The following MAOA variants were observed in gnomAD, a reference collection of about 807,000 sequenced individuals.
The protein encoded by MAOA is monoamine oxidase A, also known as amine oxidase [flavin-containing] A.
In MAOA, 6 loss-of-function variants were observed where a neutral mutation model predicts 42.0. That is an observed-to-expected ratio of 0.14 (90% CI 0.08 to 0.28). The LOEUF is 0.28. MAOA is among the 10% of genes least tolerant of loss of function. The pLI is 1.00. For missense variants in MAOA, 262 were observed against 422.3 expected (o/e 0.62, Z 3.33); for synonymous variants, 140 against 154.0 (o/e 0.91, Z 0.67).
chrX:43,711,654 A>C (rs1484168600), intron 3 of MAOA, among the ~76,000 whole-genome samples: 1 of 111,986 alleles, frequency 8.9e-6, no homozygotes. Context: ...AATTAAAACC[A>C]GCCAACACAG....
In MAOA at chrX:43,665,810, TTAGATAGA is replaced by T. The variant is rs35784967; in HGVS notation, c.73+9436_73+9443del. Among the ~76,000 whole-genome samples, 730 of 98,363 alleles carry T rather than the reference TTAGATAGA, an allele frequency of 7.4e-3. 3 individuals carry two copies. The highest frequency in any genetic ancestry group is 0.021 in the African/African-American group (568 of 27,074). 85.4% of individuals were successfully genotyped at this position (98,363 alleles called of 115,157 possible). ...AAATACAGATAGGCATAGGTATAGA[TTAGATAGA>T]TAGATAGATAGATAGATAGATAGAT... is the stretch of plus-strand genomic sequence containing the variant. On this transcript the variant is annotated intron_variant, in intron 1 of 14. Transcript: ENST00000338702.
Position 43,712,152 on chromosome X carries a change from C to A in MAOA, c.411+176C>A, listed in dbSNP as rs1181796218. 4.5e-5 allele frequency among the ~76,000 whole-genome samples: 5 copies of A among 111,467 alleles called. No individual in the cohort carries two copies. The East Asian group carries it at 1.4e-3, about 31-fold the overall frequency. The stretch of plus-strand genomic sequence containing the variant: ...CTTCACAAATGGAAAAATGAGTGCC[C>A]AGAGATTATGTAATTTACTCAAGAC... On this transcript the variant is annotated intron_variant, in intron 4 of 14. Coordinates refer to ENST00000338702, the MANE Select transcript of MAOA (RefSeq NM_000240.4).
intron 1 of MAOA, among the ~76,000 whole-genome samples, chrX:43,676,573 A>G (rs1054002454): frequency 3.6e-5 from 4 of 111,595 alleles, no homozygotes; most frequent in African/African-American, 6.5e-5. Context: ...AGCTGTTCCT[A>G]TTCGGCCATC....
chrX:43,728,205 A>G lies in MAOA; in HGVS notation c.536A>G (p.Asn179Ser). Residue 179 changes from asparagine (N) to serine (S), a missense_variant, in exon 6 of 15, where the codon AAT (asparagine) becomes AGT (serine). By Grantham distance (46) the Asn-to-Ser change is conservative (BLOSUM62 1). This residue lies in a region of MAOA where 141 missense variants were observed against 195.6 expected (regional missense o/e 0.72). Coordinates refer to ENST00000338702, the MANE Select transcript of MAOA (RefSeq NM_000240.4). Reference sequence around the variant, plus strand: ...AGGCGGTTTGCTTATCTTTTTGTGAATATCAATGTGACCTCTGAGCCTCAC... The same window carrying G: ...AGGCGGTTTGCTTATCTTTTTGTGAGTATCAATGTGACCTCTGAGCCTCAC... Reference protein sequence around the residue: ...TARRFAYLFVNINVTSEPHEV... With the variant: ...TARRFAYLFVSINVTSEPHEV... 1 of 1,210,645 alleles carries G rather than the reference A, an allele frequency of 8.3e-7. No individual in the cohort carries two copies. Among genetic ancestry groups the G allele is most frequent in the Middle Eastern group, 2.3e-4 (1 of 4,350 alleles).
chrX:43,695,501 C>T (rs1434550218), intron 3 of MAOA, among the ~76,000 whole-genome samples: 2 of 111,139 alleles, frequency 1.8e-5, no homozygotes, highest in African/African-American at 3.3e-5. Context: ...GAGGCCAAGG[C>T]GGGAGGATCA....
chrX:43,721,486 C>T (rs1270786098), intron 5 of MAOA, among the ~76,000 whole-genome samples: 1 of 110,379 alleles, frequency 9.1e-6, no homozygotes, highest in Admixed American at 9.7e-5. Flanking sequence ...TTTTAAAAGC[C>T]CTCATTGGCT....
chrX:43,700,701 A>G (rs1413227168), intron 3 of MAOA, among the ~76,000 whole-genome samples: 1 of 112,116 alleles, frequency 8.9e-6, no homozygotes, highest in African/African-American at 3.2e-5. Flanking sequence ...GCATGGTTTG[A>G]AATTGCTGGC....
intron 1 of MAOA, among the ~76,000 whole-genome samples, chrX:43,680,103 A>C (rs186037566): frequency 8.9e-6 from 1 of 112,170 alleles, no homozygotes; most frequent in African/African-American, 3.2e-5. Flanking sequence ...GCAATGTAAG[A>C]GTAGTGTACT....
chrX:43,703,583 A>G (rs184727551), intron 3 of MAOA, among the ~76,000 whole-genome samples: 1 of 112,345 alleles, frequency 8.9e-6, no homozygotes, highest in African/African-American at 3.2e-5. Context: ...TTCCTGTGTT[A>G]TGTCATACTT....
chrX:43,730,648 C>T lies in MAOA; in HGVS notation c.646-593C>T, dbSNP rs193292291. On this transcript the variant is annotated intron_variant, in intron 6 of 14. Transcript: ENST00000338702. ...CTGGGATTACAGGCACGTGCCACCA[C>T]GCCTGGCTAATTTTTGTAATTTTAG... is the stretch of plus-strand genomic sequence containing the variant. Among the ~76,000 whole-genome samples the T allele has an allele frequency of 2.3e-3, 249 of 109,550 alleles. 1 individual carries two copies. Among genetic ancestry groups the T allele is most frequent in the South Asian group, 8.0e-3 (20 of 2,485 alleles).
Position 43,731,050 on chromosome X carries a change from G to A in MAOA, c.646-191G>A, listed in dbSNP as rs750566327. ...TAATGGCTTTTCTTTGCCAGAAGCTGTGCAGGGAATGATCATTGAATTGTC... is the reference window on the plus strand; with the variant it reads ...TAATGGCTTTTCTTTGCCAGAAGCTATGCAGGGAATGATCATTGAATTGTC... On this transcript the variant is annotated intron_variant, in intron 6 of 14. Coordinates refer to ENST00000338702, the MANE Select transcript of MAOA (RefSeq NM_000240.4). 5.4e-5 allele frequency among the ~76,000 whole-genome samples: 6 copies of A among 112,071 alleles called. No individual in the cohort carries two copies. The South Asian group carries it at 2.2e-3, about 42-fold the overall frequency.
At chrX:43,683,687 A>C (rs1477166259) in intron 2 of MAOA, 80 bp downstream of exon 2, 5 of 840,226 alleles carry the variant, frequency 6.0e-6, no homozygotes, top group Non-Finnish European at 8.9e-6. Flanking sequence ...ACAGGGCTAG[A>C]GGAGGTCTTA....
At chrX:43,669,794 T>TA (rs947359678) in intron 1 of MAOA, among the ~76,000 whole-genome samples, 26 of 112,120 alleles carry the variant, frequency 2.3e-4, no homozygotes, top group African/African-American at 8.4e-4. Context: ...ACCTTTTTTT[T>TA]ACCTTTATTG....
intron 2 of MAOA, among the ~76,000 whole-genome samples, chrX:43,687,196 A>G (rs12833632): frequency 8.9e-6 from 1 of 112,348 alleles, no homozygotes; most frequent in Admixed American, 9.4e-5. Flanking sequence ...GAGGTGCAAC[A>G]CAGTAGAATA....
intron 1 of MAOA, among the ~76,000 whole-genome samples, chrX:43,662,387 G>A: frequency 9.1e-6 from 1 of 109,819 alleles, no homozygotes; most frequent in Non-Finnish European, 1.9e-5. Flanking sequence ...AAATCTTCAT[G>A]GTTGAAGGAG....
chrX:43,727,919 G>A (rs2033852423), intron 5 of MAOA, among the ~76,000 whole-genome samples: 1 of 111,971 alleles, frequency 8.9e-6, no homozygotes, highest in Non-Finnish European at 1.9e-5. Flanking sequence ...GGGAGCTGCA[G>A]ACCGGAGCTG....
chrX:43,678,900 T>A (rs1273629381), intron 1 of MAOA, among the ~76,000 whole-genome samples: 1 of 111,867 alleles, frequency 8.9e-6, no homozygotes, highest in East Asian at 2.8e-4. Flanking sequence ...ACCTTTAAGT[T>A]ATCGTGGAAA....
At chrX:43,677,003 C>T (rs1435870158) in intron 1 of MAOA, among the ~76,000 whole-genome samples, 3 of 111,226 alleles carry the variant, frequency 2.7e-5, no homozygotes, top group African/African-American at 9.8e-5. Flanking sequence ...TCAGAAATCA[C>T]ATAGGAGCTG....
chrX:43,682,829 T>C (rs913813057), intron 1 of MAOA, among the ~76,000 whole-genome samples: 3 of 112,151 alleles, frequency 2.7e-5, no homozygotes, highest in African/African-American at 9.7e-5. Flanking sequence ...ACCCTTGATA[T>C]AATGTTAATC....
Sources: allele counts gnomAD v4.1 joint callset (sites outside exome capture counted in the v4.1 genomes callset), GRCh38; gene constraint gnomAD v4.1.1; regional missense constraint gnomAD v4.1.1; transcripts MANE v1.5; gene names NCBI Gene and HGNC (gene_info 2026-07-23, HGNC 2026-07-21).